The following SVOPL variants were observed in gnomAD, a reference collection of about 807,000 sequenced individuals.
The protein encoded by SVOPL is SVOP like.
Under a neutral mutation model 61.0 loss-of-function variants are expected in SVOPL, and 60 were observed. That is an observed-to-expected ratio of 0.98 (90% CI 0.80 to 1.22). SVOPL has a LOEUF of 1.22. SVOPL is among the 50% of genes most tolerant of loss of function. The pLI is 0.00. For missense variants in SVOPL, 662 were observed against 643.9 expected, an observed-to-expected ratio of 1.03 and a Z score of -0.30; for synonymous variants, 279 against 250.0, an observed-to-expected ratio of 1.12 and a Z score of -1.09.
intron 3 of SVOPL, among the ~76,000 whole-genome samples, chr7:138,675,795 C>T (rs762485906): frequency 9.2e-5 from 14 of 152,058 alleles, no homozygotes; most frequent in Admixed American, 3.3e-4. Context: ...TTTGATTTTC[C>T]ATTCTGTCTG....
chr7:138,601,770 T>C (rs1423967445), intron 14 of SVOPL, among the ~76,000 whole-genome samples: 1 of 152,208 alleles, frequency 6.6e-6, no homozygotes, highest in Non-Finnish European at 1.5e-5. Flanking sequence ...AATAGACTTT[T>C]TCTACAGAAT....
chr7:138,660,331 G>C, intron 5 of SVOPL: 5 of 1,022,380 alleles, frequency 4.9e-6, no homozygotes, highest in Non-Finnish European at 5.9e-6. Context: ...ATGTTGGGAG[G>C]AGTACAAGGA....
intron 13 of SVOPL, among the ~76,000 whole-genome samples, 170 bp downstream of exon 13, chr7:138,625,799 G>A (rs1315303305): frequency 6.6e-6 from 1 of 152,216 alleles, no homozygotes; most frequent in East Asian, 1.9e-4. Flanking sequence ...AATAGACTGA[G>A]TGGGGAAGGG....
rs1801741727 is a variant in SVOPL, at chr7:138,656,524, C to A, written c.471-13G>T. On this transcript the variant is annotated splice_polypyrimidine_tract_variant and intron_variant, in intron 6 of 15. Coordinates refer to ENST00000674285, the MANE Select transcript of SVOPL (RefSeq NM_001139456.2). ...CTTTATGATTAACCTAAACAGGAAG[C>A]AGGAAAAAGCATAATTTTGTTTTAA... 1 of 1,612,222 alleles carries A rather than the reference C, an allele frequency of 6.2e-7. No individual in the cohort carries two copies.
chr7:138,611,904 G>A (rs1420114288), intron 14 of SVOPL, among the ~76,000 whole-genome samples: 11 of 30,412 alleles, frequency 3.6e-4, no homozygotes, highest in Non-Finnish European at 6.6e-4. Flanking sequence ...GTGCCCAACA[G>A]CTCATTGAGA....
chr7:138,602,535 A>G (rs1798575388), intron 14 of SVOPL, among the ~76,000 whole-genome samples: 2 of 151,772 alleles, frequency 1.3e-5, no homozygotes, highest in South Asian at 2.1e-4. Flanking sequence ...AGATGTAGCT[A>G]TATGCTGTAA....
At chr7:138,689,624 T>C (rs112663528) in intron 1 of SVOPL, 13,138 of 382,530 alleles carry the variant, frequency 0.034, 485 homozygotes, top group South Asian at 0.1. Context: ...TTTGGGAGGC[T>C]GAGGTGGGTG....
intron 7 of SVOPL, among the ~76,000 whole-genome samples, chr7:138,655,054 G>C (rs1801653657): frequency 6.6e-6 from 1 of 151,810 alleles, no homozygotes; most frequent in East Asian, 1.9e-4. Flanking sequence ...AGCTGGCGTA[G>C]TGATGCGCAC....
intron 9 of SVOPL, 133 bp downstream of exon 9, chr7:138,644,584 T>C: frequency 2.3e-6 from 3 of 1,285,354 alleles, no homozygotes; most frequent in Non-Finnish European, 3.1e-6. Context: ...GCCTCACATC[T>C]TTCCTGGCCA....
intron 9 of SVOPL, among the ~76,000 whole-genome samples, chr7:138,633,121 G>A (rs1344745436): frequency 6.6e-6 from 1 of 152,176 alleles, no homozygotes; most frequent in Non-Finnish European, 1.5e-5. Flanking sequence ...GAAGTGAGCT[G>A]ACGCTGTTAT....
chr7:138,693,891 C>T (rs1023017503), intron 1 of SVOPL, among the ~76,000 whole-genome samples: 1 of 152,128 alleles, frequency 6.6e-6, no homozygotes, highest in Admixed American at 6.5e-5. Flanking sequence ...AATAGAATCT[C>T]TTACAGCTCA....
chr7:138,641,795 C>T (rs2919140), intron 9 of SVOPL, among the ~76,000 whole-genome samples: 106,228 of 139,438 alleles, frequency 0.76, 42,147 homozygotes, highest in Middle Eastern at 0.88. Context: ...AAAATCTAGA[C>T]GTATCAAATA....
chr7:138,597,278 T>G (rs1178253275), intron 14 of SVOPL: 1 of 1,248,508 alleles, frequency 8.0e-7, no homozygotes, highest in Non-Finnish European at 1.0e-6. Flanking sequence ...GTATTATAAT[T>G]TAGAAAGACC....
At chr7:138,688,045 C>G (rs888783020) in intron 1 of SVOPL, among the ~76,000 whole-genome samples, 3 of 152,250 alleles carry the variant, frequency 2.0e-5, no homozygotes, top group African/African-American at 7.2e-5. Context: ...TCGTGATCCA[C>G]CCGCCTCGGC....
In SVOPL at chr7:138,644,836, C is replaced by T; in HGVS notation, c.670G>A (p.Glu224Lys). 1 of 1,614,136 alleles carries T rather than the reference C, an allele frequency of 6.2e-7. No homozygotes were observed. The highest frequency in any genetic ancestry group is 8.5e-7 in the Non-Finnish European group (1 of 1,180,026). Residue 224 changes from glutamate to lysine, a missense_variant, in exon 9 of 16, where the codon GAA (glutamate) becomes AAA (lysine). Physicochemically the swap from Glu to Lys is moderately conservative, Grantham distance 56 (BLOSUM62 1). Transcript: ENST00000674285. Reference protein sequence around the residue: ...ILIVAFKFIPESARFNVSTGN... With the variant: ...ILIVAFKFIPKSARFNVSTGN... ...GTGGAGACATTGAACCGGGCAGATT[C>T]AGGAATAAACTGGGTAGAGATTACA...
At chr7:138,604,444 C>T (rs780789017) in intron 14 of SVOPL, among the ~76,000 whole-genome samples, 2 of 151,768 alleles carry the variant, frequency 1.3e-5, no homozygotes, top group Non-Finnish European at 2.9e-5. Flanking sequence ...GAGGCCAAGG[C>T]GGGAGGATCA....
At chr7:138,697,825 G>A (rs927762772) in intron 1 of SVOPL, among the ~76,000 whole-genome samples, 12 of 151,402 alleles carry the variant, frequency 7.9e-5, no homozygotes, top group African/African-American at 2.9e-4. Context: ...AGAAGAGAAG[G>A]AAGAAGGAGG....
At chr7:138,635,763 T>C in intron 9 of SVOPL, among the ~76,000 whole-genome samples, 1 of 152,092 alleles carries the variant, frequency 6.6e-6, no homozygotes, top group Non-Finnish European at 1.5e-5. Context: ...GGGAAATGGC[T>C]TCTTCAACCA....
At chr7:138,643,850 T>C (rs910949245) in intron 9 of SVOPL, among the ~76,000 whole-genome samples, 15 of 152,140 alleles carry the variant, frequency 9.9e-5, no homozygotes, top group African/African-American at 1.2e-4. Context: ...TTCATGACAA[T>C]ACAAATGTAC....
Sources: allele counts gnomAD v4.1 joint callset (sites outside exome capture counted in the v4.1 genomes callset), GRCh38; gene constraint gnomAD v4.1.1; transcripts MANE v1.5; gene names NCBI Gene and HGNC (gene_info 2026-07-23, HGNC 2026-07-21).